Variants in MAGI2 observed in about 807,000 individuals in gnomAD.
The protein encoded by MAGI2 is membrane associated guanylate kinase, WW and PDZ domain containing 2.
Under a neutral mutation model 133.3 loss-of-function variants are expected in MAGI2, and 35 were observed. The ratio of observed to expected loss-of-function variants is 0.26; its 90% CI spans 0.20 to 0.35. The LOEUF (loss-of-function observed/expected upper bound fraction) is 0.35, where lower values mean the gene tolerates loss of function less well. MAGI2 is among the 10% of genes least tolerant of loss of function. The pLI, the probability that MAGI2 is intolerant of heterozygous loss-of-function variation, is 1.00. For missense variants in MAGI2, 1,636 were observed against 1,863.4 expected, an observed-to-expected ratio of 0.88 and a Z score of 2.25; for synonymous variants, 729 against 710.6, an observed-to-expected ratio of 1.03 and a Z score of -0.41.
Position 78,501,684 on chromosome 7 carries a change from C to T in MAGI2, c.858G>A (p.Gln286=), listed in dbSNP as rs199850737. Residue 286 remains glutamine, a synonymous_variant, in exon 5 of 22, where the codon CAG becomes CAA. Transcript: ENST00000354212. Reference sequence around the variant, plus strand: ...GTTTAGTTGGCTTTGTGTCATCCATCTGCTCCTTCAGCTCCTCAGGCTGAC... The same window carrying T: ...GTTTAGTTGGCTTTGTGTCATCCATTTGCTCCTTCAGCTCCTCAGGCTGAC... The part of the protein sequence containing the change: ...VYSQPEELKE[Q]MDDTKPTKPE... 5 of 1,614,140 alleles carry T rather than the reference C, an allele frequency of 3.1e-6. No individual in the cohort carries two copies. The highest frequency in any genetic ancestry group is 1.7e-4 in the Middle Eastern group (1 of 6,060).
intron 16 of MAGI2, among the ~76,000 whole-genome samples, chr7:78,155,083 T>C (rs983604108): frequency 2.9e-4 from 44 of 152,336 alleles, no homozygotes; most frequent in African/African-American, 8.4e-4. Flanking sequence ...TTATTTCCAA[T>C]TTTCTATGCT....
chr7:78,479,386 G>A (rs11979436), intron 6 of MAGI2, among the ~76,000 whole-genome samples: 25,376 of 151,872 alleles, frequency 0.17, 2,271 homozygotes, highest in East Asian at 0.36. Context: ...CATGTGGGCA[G>A]AGATAAGAGG....
At chr7:78,313,567 T>C (rs1798903541) in intron 9 of MAGI2, among the ~76,000 whole-genome samples, 2 of 151,844 alleles carry the variant, frequency 1.3e-5, no homozygotes, top group African/African-American at 2.4e-5. Flanking sequence ...TTACAAACAT[T>C]AGAAAGAAGA....
intron 1 of MAGI2, among the ~76,000 whole-genome samples, chr7:79,016,830 G>A (rs1199378124): frequency 6.6e-6 from 1 of 152,184 alleles, no homozygotes; most frequent in African/African-American, 2.4e-5. Flanking sequence ...AACTACAAAA[G>A]TAGACCAACT....
chr7:78,928,587 G>A (rs1213602625), intron 2 of MAGI2, among the ~76,000 whole-genome samples: 4 of 152,064 alleles, frequency 2.6e-5, no homozygotes, highest in Non-Finnish European at 5.9e-5. Context: ...TCAGGCACTT[G>A]AAACATTAGC....
rs550272926 is a variant in MAGI2 at position 78,192,517 on chromosome 7, G to C, written c.2269+2357C>G. On this transcript the variant is annotated intron_variant, in intron 12 of 21. Coordinates refer to ENST00000354212, the MANE Select transcript of MAGI2 (RefSeq NM_012301.4). Reference sequence around the variant, plus strand: ...AATGGAAACGTACAGGAGGGCAAAAGGCTGTCTTTTTTTTTTTTTTTTAAG... The same window carrying C: ...AATGGAAACGTACAGGAGGGCAAAACGCTGTCTTTTTTTTTTTTTTTTAAG... Among the ~76,000 whole-genome samples, 3 of 133,370 alleles carry C rather than the reference G, an allele frequency of 2.2e-5. No homozygotes were observed. In the East Asian group the frequency reaches 6.6e-4, roughly 29 times the overall value. The allele number at this position is 133,370 out of a possible 152,430, so 87.5% of individuals were successfully genotyped here. A position where few individuals can be genotyped will look rare whatever the true frequency, so the allele number is the denominator to read the frequency against.
chr7:79,362,367 A>G lies in MAGI2; in HGVS notation c.301+90653T>C, dbSNP rs148147203. On this transcript the variant is annotated intron_variant, in intron 1 of 21. Coordinates refer to ENST00000354212, the MANE Select transcript of MAGI2 (RefSeq NM_012301.4). ...AAAACTCTCATCAAAAAGTGAATTT[A>G]TAATTTTAGAACTATCTAAAAAGAA... is the stretch of plus-strand genomic sequence containing the variant. Among the ~76,000 whole-genome samples the G allele has an allele frequency of 3.6e-3, 546 of 152,250 alleles. 3 individuals are homozygous for G. The highest frequency in any genetic ancestry group is 0.012 in the African/African-American group (517 of 41,580).
chr7:79,431,175 C>A (rs1029806165), intron 1 of MAGI2, among the ~76,000 whole-genome samples: 1 of 152,120 alleles, frequency 6.6e-6, no homozygotes, highest in Non-Finnish European at 1.5e-5. Flanking sequence ...TAGAATGAAA[C>A]ACCTGAGATA....
intron 1 of MAGI2, among the ~76,000 whole-genome samples, chr7:79,260,545 A>T (rs1364599905): frequency 6.6e-6 from 1 of 152,166 alleles, no homozygotes; most frequent in African/African-American, 2.4e-5. Context: ...CAACAAATAC[A>T]GGTTGAGCAT....
chr7:78,052,370 C>T (rs1435381441), intron 21 of MAGI2, among the ~76,000 whole-genome samples: 5 of 152,162 alleles, frequency 3.3e-5, no homozygotes, highest in Non-Finnish European at 7.4e-5. Context: ...CTTGCTTCCT[C>T]TCTCACCACG....
intron 1 of MAGI2, among the ~76,000 whole-genome samples, chr7:79,022,146 T>G (rs1256475618): frequency 6.6e-6 from 1 of 152,136 alleles, no homozygotes; most frequent in Non-Finnish European, 1.5e-5. Context: ...CCAGTCTCTT[T>G]TATTTCTTCA....
At chr7:78,467,576 T>C (rs549283319) in intron 6 of MAGI2, among the ~76,000 whole-genome samples, 25 of 151,662 alleles carry the variant, frequency 1.6e-4, no homozygotes, top group African/African-American at 5.8e-4. Flanking sequence ...AGTGATATAC[T>C]AGATAAAACA....
intron 1 of MAGI2, among the ~76,000 whole-genome samples, chr7:79,241,934 T>G (rs1585302542): frequency 6.6e-6 from 1 of 152,274 alleles, no homozygotes; most frequent in Non-Finnish European, 1.5e-5. Context: ...TATGATTTAA[T>G]TCCCCAACGA....
chr7:78,899,340 T>C (rs567351798), intron 2 of MAGI2, among the ~76,000 whole-genome samples: 34 of 152,270 alleles, frequency 2.2e-4, no homozygotes, highest in African/African-American at 8.2e-4. Flanking sequence ...TTAATGTTAT[T>C]TCTTCTTTCT....
chr7:78,804,739 ACT>A (rs1449798506), intron 2 of MAGI2, among the ~76,000 whole-genome samples: 2 of 121,436 alleles, frequency 1.6e-5, no homozygotes, highest in Non-Finnish European at 3.4e-5. Context: ...ACAGAGCGAG[ACT>A]CTGTCTCAAA....
intron 2 of MAGI2, among the ~76,000 whole-genome samples, chr7:78,727,226 A>G (rs1325757205): frequency 1.3e-5 from 2 of 152,198 alleles, no homozygotes; most frequent in Non-Finnish European, 2.9e-5. Context: ...GTTTATCGAT[A>G]TATAAGTTGA....
intron 1 of MAGI2, among the ~76,000 whole-genome samples, chr7:79,212,922 A>G (rs1046756906): frequency 2.0e-5 from 3 of 152,010 alleles, no homozygotes; most frequent in African/African-American, 7.3e-5. Context: ...CTGTTCTTCC[A>G]TGTGATTTTC....
At chr7:78,065,869 T>C (rs75304123) in intron 21 of MAGI2, among the ~76,000 whole-genome samples, 5,505 of 152,260 alleles carry the variant, frequency 0.036, 342 homozygotes, top group African/African-American at 0.13. Flanking sequence ...GACTGAGCTA[T>C]ATGTGTATTT....
chr7:79,065,004 C>T (rs1055447986), intron 1 of MAGI2, among the ~76,000 whole-genome samples: 1 of 152,052 alleles, frequency 6.6e-6, no homozygotes, highest in African/African-American at 2.4e-5. Flanking sequence ...TCCAAACAAA[C>T]TATGCTGCAG....
Sources: allele counts gnomAD v4.1 joint callset (sites outside exome capture counted in the v4.1 genomes callset), GRCh38; gene constraint gnomAD v4.1.1; transcripts MANE v1.5; gene names NCBI Gene and HGNC (gene_info 2026-07-23, HGNC 2026-07-21).